Variants in SH3BP5 observed in about 807,000 individuals in gnomAD.
The protein encoded by SH3BP5 is SH3 domain-binding protein 5.
In SH3BP5, 22 loss-of-function variants were observed where a neutral mutation model predicts 43.3. That is an observed-to-expected ratio of 0.51 (90% CI 0.36 to 0.73). The LOEUF (loss-of-function observed/expected upper bound fraction) is 0.73. Ranked by LOEUF, SH3BP5 falls within the 30% of genes least tolerant of loss-of-function variation. SH3BP5 has a pLI of 0.00. For synonymous variants in SH3BP5, 255 were observed against 225.8 expected, an observed-to-expected ratio of 1.13 and a Z score of -1.16; for missense variants, 529 against 586.9, an observed-to-expected ratio of 0.90 and a Z score of 1.02.
At chr3:15,303,325 G>A (rs991382226) in intron 3 of SH3BP5, among the ~76,000 whole-genome samples, 1 of 152,340 alleles carries the variant, frequency 6.6e-6, no homozygotes, top group South Asian at 2.1e-4. Flanking sequence ...AGCCGAAGCA[G>A]GCTGAGGAAG....
At chr3:15,283,458 C>T (rs1285829026) in intron 3 of SH3BP5, among the ~76,000 whole-genome samples, 2 of 152,158 alleles carry the variant, frequency 1.3e-5, no homozygotes, top group Admixed American at 1.3e-4. Context: ...CAAAATGTTA[C>T]CCAAACAAGA....
At chr3:15,269,173 A>C (rs1298400067) in intron 4 of SH3BP5, among the ~76,000 whole-genome samples, 1 of 152,168 alleles carries the variant, frequency 6.6e-6, no homozygotes, top group Non-Finnish European at 1.5e-5. Context: ...CCAAGCTGTG[A>C]GTAAGGATCA....
chr3:15,320,454 C>CACT (rs1698293354), intron 2 of SH3BP5, among the ~76,000 whole-genome samples: 6 of 152,174 alleles, frequency 3.9e-5, no homozygotes, highest in Admixed American at 3.9e-4. Flanking sequence ...GGTTAAAATG[C>CACT]ACTACAAAAA....
chr3:15,289,482 A>G (rs921949693), intron 3 of SH3BP5, among the ~76,000 whole-genome samples: 4 of 152,234 alleles, frequency 2.6e-5, no homozygotes, highest in African/African-American at 9.6e-5. Flanking sequence ...AGCAGCAAAC[A>G]GAACACTCGG....
intron 3 of SH3BP5, among the ~76,000 whole-genome samples, chr3:15,275,212 C>A (rs889002566): frequency 2.6e-5 from 4 of 152,210 alleles, no homozygotes; most frequent in African/African-American, 9.7e-5. Context: ...GTGTATCAGG[C>A]AGCAGGCCAG....
intron 6 of SH3BP5, chr3:15,259,454 C>T: frequency 1.9e-6 from 1 of 534,676 alleles, no homozygotes. Flanking sequence ...GTTTCTAATT[C>T]AGTCGGTCTA....
At chr3:15,299,095 G>C (rs944228749) in intron 3 of SH3BP5, among the ~76,000 whole-genome samples, 3 of 152,252 alleles carry the variant, frequency 2.0e-5, no homozygotes, top group African/African-American at 4.8e-5. Context: ...CAAAGCCACT[G>C]TTAGACCAGT....
chr3:15,266,266 G>A (rs1266693096), intron 4 of SH3BP5, among the ~76,000 whole-genome samples: 1 of 152,212 alleles, frequency 6.6e-6, no homozygotes, highest in Non-Finnish European at 1.5e-5. Context: ...GAAGGGAGGC[G>A]GTTCACACCC....
chr3:15,294,567 CA>C (rs1386064108), intron 3 of SH3BP5, among the ~76,000 whole-genome samples: 3 of 152,070 alleles, frequency 2.0e-5, no homozygotes, highest in Non-Finnish European at 4.4e-5. Flanking sequence ...GATTAGGCCA[CA>C]ACACCGGAAA....
chr3:15,267,627 A>G (rs1276911360), intron 4 of SH3BP5, among the ~76,000 whole-genome samples: 1 of 152,162 alleles, frequency 6.6e-6, no homozygotes, highest in Non-Finnish European at 1.5e-5. Flanking sequence ...GGGCCCTATG[A>G]AGCCCTCATG....
chr3:15,270,189 G>C (rs1696760559), intron 3 of SH3BP5, among the ~76,000 whole-genome samples: 1 of 152,220 alleles, frequency 6.6e-6, no homozygotes, highest in South Asian at 2.1e-4. Flanking sequence ...CAACCCCACA[G>C]CCTTTCTCAG....
At chr3:15,293,637 C>G (rs1275391213) in intron 3 of SH3BP5, among the ~76,000 whole-genome samples, 2 of 152,180 alleles carry the variant, frequency 1.3e-5, no homozygotes, top group Non-Finnish European at 2.9e-5. Flanking sequence ...TTCAGATTTG[C>G]AAATAGTCAT....
chr3:15,285,849 T>G (rs1198061763), intron 3 of SH3BP5, among the ~76,000 whole-genome samples: 1 of 152,242 alleles, frequency 6.6e-6, no homozygotes, highest in Non-Finnish European at 1.5e-5. Flanking sequence ...AAGGAGCAAC[T>G]GGTTCACTGA....
At chr3:15,293,443 G>C (rs1256803019) in intron 3 of SH3BP5, among the ~76,000 whole-genome samples, 1 of 152,240 alleles carries the variant, frequency 6.6e-6, no homozygotes, top group Non-Finnish European at 1.5e-5. Flanking sequence ...CAGGAACAGG[G>C]CACCATGAGG....
chr3:15,306,614 G>A (rs1697914583), intron 2 of SH3BP5, among the ~76,000 whole-genome samples: 1 of 152,150 alleles, frequency 6.6e-6, no homozygotes, highest in Admixed American at 6.5e-5. Context: ...CCCACCTGCT[G>A]GTAAAACATG....
intron 2 of SH3BP5, among the ~76,000 whole-genome samples, chr3:15,306,063 A>AAAAAAAAAAAAG (rs1407014068): frequency 6.6e-6 from 1 of 151,380 alleles, no homozygotes; most frequent in East Asian, 1.9e-4. Flanking sequence ...TTAAAAAAAA[A>AAAAAAAAAAAAG]AGAGAAATGG....
chr3:15,312,490 G>A (rs984483049), intron 2 of SH3BP5, among the ~76,000 whole-genome samples: 1 of 152,074 alleles, frequency 6.6e-6, no homozygotes, highest in African/African-American at 2.4e-5. Flanking sequence ...TGTGAAGGGG[G>A]ACCTGCAGCC....
chr3:15,270,811 A>G (rs1166052139), intron 3 of SH3BP5, among the ~76,000 whole-genome samples: 1 of 151,738 alleles, frequency 6.6e-6, no homozygotes, highest in East Asian at 1.9e-4. Context: ...CTATAATCCC[A>G]GCTACTTGGG....
Position 15,304,239 on chromosome 3 carries a change from C to T in SH3BP5, c.202-8G>A. 1.2e-6 allele frequency: 2 copies of T among 1,614,146 alleles called. No homozygotes were observed. Among genetic ancestry groups the T allele is most frequent in the Non-Finnish European group, 1.7e-6 (2 of 1,180,006 alleles). On this transcript the variant is annotated splice_region_variant and splice_polypyrimidine_tract_variant and intron_variant, in intron 2 of 8. Coordinates refer to ENST00000383791, the MANE Select transcript of SH3BP5 (RefSeq NM_004844.5). ...GAACTTCTGACGAGCATCCTGCAGCCAGGGGAAACCGAGGAAACACAGTTG... is the reference window on the plus strand; with the variant it reads ...GAACTTCTGACGAGCATCCTGCAGCTAGGGGAAACCGAGGAAACACAGTTG...
Sources: gnomAD v4.1 joint callset for allele counts (sites outside exome capture counted in the v4.1 genomes callset) on GRCh38, gnomAD v4.1.1 for gene constraint, MANE v1.5 for transcripts, NCBI Gene and HGNC (gene_info 2026-07-23, HGNC 2026-07-21) for gene names.